The following NR2C1 variants were observed in gnomAD, a reference collection of about 807,000 sequenced individuals.
NR2C1 encodes nuclear receptor subfamily 2 group C member 1, also known as TR2 nuclear hormone receptor.
Under a neutral mutation model 74.8 loss-of-function variants are expected in NR2C1, and 33 were observed. The observed-to-expected ratio is 0.44, with a 90% confidence interval of 0.33 to 0.59. The LOEUF (loss-of-function observed/expected upper bound fraction) is 0.59, where lower values mean the gene tolerates loss of function less well. NR2C1 is among the 20% of genes least tolerant of loss of function. NR2C1 has a pLI of 0.02. For synonymous variants in NR2C1, 225 were observed against 240.6 expected (o/e 0.94, Z 0.60); for missense variants, 568 against 715.6 (o/e 0.79, Z 2.35).
chr12:95,037,632 A>T (rs948978544), intron 10 of NR2C1, among the ~76,000 whole-genome samples: 1 of 152,216 alleles, frequency 6.6e-6, no homozygotes, highest in African/African-American at 2.4e-5. Context: ...ACGGTGGCTC[A>T]CGCCTGTAAT....
chr12:95,062,825 T>C (rs1875000676), intron 2 of NR2C1, 87 bp from the exon 3 acceptor site: 19 of 921,032 alleles, frequency 2.1e-5, no homozygotes, highest in South Asian at 6.0e-5. Context: ...ACATTACATA[T>C]ATATTCAATA....
At chr12:95,059,444 C>T (rs1874411936) in intron 4 of NR2C1, among the ~76,000 whole-genome samples, 1 of 151,888 alleles carries the variant, frequency 6.6e-6, no homozygotes, top group South Asian at 2.1e-4. Flanking sequence ...TGGGGGCTTA[C>T]ACCTGTAATC....
At chr12:95,055,797 C>CA (rs1873744599) in intron 7 of NR2C1, among the ~76,000 whole-genome samples, 1 of 151,036 alleles carries the variant, frequency 6.6e-6, no homozygotes, top group Non-Finnish European at 1.5e-5. Context: ...ACTAAAAATA[C>CA]AAAAAATTAG....
rs1869204442 is a variant in NR2C1 at position 95,025,181 on chromosome 12, T to C, written c.1606A>G (p.Ile536Val). Residue 536 changes from isoleucine (I) to valine (V), a missense_variant, in exon 13 of 14, where the codon ATA becomes GTA. Physicochemically the swap from Ile to Val is conservative, Grantham distance 29. Coordinates refer to ENST00000333003, the MANE Select transcript of NR2C1 (RefSeq NM_003297.4). Reference sequence around the variant, plus strand: ...GTGTCATCTGGATATGTTTTGGTTATATAATCTTGGAATTCCACATAAGCC... The same window carrying C: ...GTGTCATCTGGATATGTTTTGGTTACATAATCTTGGAATTCCACATAAGCC... ...EKAYVEFQDY[I>V]TKTYPDDTYR... The C allele has an allele frequency of 1.3e-6, 2 of 1,596,330 alleles. No individual in the cohort carries two copies. Among genetic ancestry groups the C allele is most frequent in the Non-Finnish European group, 1.7e-6 (2 of 1,165,344 alleles).
rs1400639013 is a variant in NR2C1 at position 95,059,896 on chromosome 12, T to C, written c.364+10A>G. ...TTTTTCTGTTTTTAGGAGGTTATTC[T>C]TAATGTTACCTGATGCTTTGTCTCC... is the stretch of plus-strand genomic sequence containing the variant. On this transcript the variant is annotated intron_variant, in intron 4 of 13. Transcript: ENST00000333003. The C allele has an allele frequency of 6.4e-7, 1 of 1,571,556 alleles. No homozygotes were observed. The highest frequency in any genetic ancestry group is 8.6e-7 in the Non-Finnish European group (1 of 1,164,586).
intron 9 of NR2C1, 135 bp downstream of exon 9, chr12:95,048,933 G>A: frequency 2.4e-6 from 2 of 846,778 alleles, no homozygotes; most frequent in Admixed American, 2.5e-5. Context: ...CCAGATGAGT[G>A]TTTTAGCTGC....
At chr12:95,064,992 T>C (rs2136196772) in intron 2 of NR2C1, among the ~76,000 whole-genome samples, 1 of 152,322 alleles carries the variant, frequency 6.6e-6, no homozygotes, top group East Asian at 1.9e-4. Flanking sequence ...ATTTGGCGCA[T>C]TCATGGTCCA....
chr12:95,045,484 G>C (rs1450825030), intron 9 of NR2C1, among the ~76,000 whole-genome samples: 3 of 152,032 alleles, frequency 2.0e-5, no homozygotes, highest in East Asian at 1.9e-4. Flanking sequence ...AATCAAGAAA[G>C]GAATTTTAAA....
chr12:95,062,672 C>CTTG lies in NR2C1; in HGVS notation c.118_120dup (p.Gln40dup). The CTTG allele has an allele frequency of 6.2e-7, 1 of 1,614,132 alleles. No homozygotes were observed. The highest frequency in any genetic ancestry group is 8.5e-7 in the Non-Finnish European group (1 of 1,180,026). On this transcript the variant is annotated inframe_insertion, in exon 3 of 14. Coordinates refer to ENST00000333003, the MANE Select transcript of NR2C1 (RefSeq NM_003297.4). ...TGATTTGTCAGAATGAACTGCTTGC[C>CTTG]TTGGGTATTATGATCAAGTGCTGTC...
chr12:95,069,435 T>C (rs1027175972), intron 1 of NR2C1, among the ~76,000 whole-genome samples: 2 of 152,216 alleles, frequency 1.3e-5, no homozygotes, highest in Non-Finnish European at 2.9e-5. Flanking sequence ...ATTTGTTACT[T>C]ACATAAATAC....
intron 10 of NR2C1, among the ~76,000 whole-genome samples, chr12:95,035,872 AT>A (rs1486192379): frequency 1.3e-5 from 2 of 152,236 alleles, no homozygotes; most frequent in African/African-American, 4.8e-5. Flanking sequence ...GCTTAGATGC[AT>A]TTACATTCAT....
At chr12:95,066,162 A>C (rs951800289) in intron 2 of NR2C1, among the ~76,000 whole-genome samples, 1 of 152,266 alleles carries the variant, frequency 6.6e-6, no homozygotes, top group African/African-American at 2.4e-5. Flanking sequence ...CAGAAGTTGG[A>C]ATCTCATATC....
At chr12:95,055,814 G>A (rs1293630673) in intron 7 of NR2C1, among the ~76,000 whole-genome samples, 6 of 151,838 alleles carry the variant, frequency 4.0e-5, no homozygotes, top group South Asian at 2.1e-4. Flanking sequence ...TTAGCCGGGC[G>A]TGGTGGCGGG....
intron 3 of NR2C1, 79 bp downstream of exon 3, chr12:95,062,429 A>C: frequency 1.1e-6 from 1 of 914,984 alleles, no homozygotes; most frequent in South Asian, 1.7e-5. Context: ...CATAGATCTA[A>C]AGTCTTCATG....
intron 12 of NR2C1, among the ~76,000 whole-genome samples, chr12:95,025,837 C>T (rs896254470): frequency 6.6e-6 from 1 of 151,326 alleles, no homozygotes; most frequent in Non-Finnish European, 1.5e-5. Context: ...AGCTTTCTCT[C>T]CATTCCAAAA....
chr12:95,060,004 A>AAAG lies in NR2C1; in HGVS notation c.286-21_286-20insCTT. The AAAG allele has an allele frequency of 6.5e-7, 1 of 1,527,498 alleles. No homozygotes were observed. The highest frequency in any genetic ancestry group is 1.4e-5 in the African/African-American group (1 of 71,042). The allele number at this position is 1,527,498 out of a possible 1,614,324, so 94.6% of individuals were successfully genotyped here. ...TAGGAGCTAAAAAAAAAAAAAAAAA[A>AAAG]AAAGAAAACAAAAACGAAAACCTGT... On this transcript the variant is annotated intron_variant, in intron 3 of 13. Transcript: ENST00000333003.
chr12:95,061,276 A>C (rs190586114), intron 3 of NR2C1, among the ~76,000 whole-genome samples: 1 of 152,328 alleles, frequency 6.6e-6, no homozygotes, highest in East Asian at 1.9e-4. Context: ...GGCAAAAACT[A>C]AGGAAAGTCT....
intron 3 of NR2C1, among the ~76,000 whole-genome samples, chr12:95,061,033 G>C (rs905449114): frequency 1.3e-5 from 2 of 152,174 alleles, no homozygotes; most frequent in Non-Finnish European, 2.9e-5. Flanking sequence ...AGTCTGGAAG[G>C]AGATATTGAG....
intron 11 of NR2C1, among the ~76,000 whole-genome samples, chr12:95,029,624 C>G (rs1869811144): frequency 6.8e-6 from 1 of 146,388 alleles, no homozygotes; most frequent in African/African-American, 2.5e-5. Flanking sequence ...GTGGCACGAT[C>G]TCGGCTCACT....
Sources: allele counts gnomAD v4.1 joint callset (sites outside exome capture counted in the v4.1 genomes callset), GRCh38; gene constraint gnomAD v4.1.1; transcripts MANE v1.5; gene names NCBI Gene and HGNC (gene_info 2026-07-23, HGNC 2026-07-21).